NFIX: variants seen among roughly 807,000 people sequenced by gnomAD.
NFIX encodes the protein nuclear factor 1 X-type.
NFIX carries 2 observed loss-of-function variants against 53.3 expected under a neutral mutation model. That is an observed-to-expected ratio of 0.04 (90% CI 0.02 to 0.12). The LOEUF is 0.12. NFIX is among the 10% of genes least tolerant of loss of function. NFIX has a pLI of 1.00. For synonymous variants in NFIX, 244 were observed against 289.0 expected (o/e 0.84, Z 1.58); for missense variants, 310 against 674.5 (o/e 0.46, Z 5.99).
chr19:13,056,100 C>A (rs767228568), intron 2 of NFIX, among the ~76,000 whole-genome samples: 44 of 152,268 alleles, frequency 2.9e-4, no homozygotes, highest in Non-Finnish European at 5.0e-4. Flanking sequence ...GCCAGGGAGC[C>A]CTGCTCTGCG....
In NFIX at chr19:13,027,082, T is replaced by C. The variant is rs1435507045; in HGVS notation, c.559+1530T>C. Among the ~76,000 whole-genome samples the C allele has an allele frequency of 6.6e-6, 1 of 152,210 alleles. No individual in the cohort carries two copies. The highest frequency in any genetic ancestry group is 1.5e-5 in the Non-Finnish European group (1 of 68,042). ...GACTAGAGTGAGCCCTGAGTTTACA[T>C]GTTGGAGAACTGTGGAGAGGAGAAG... On this transcript the variant is annotated intron_variant, in intron 2 of 10. Coordinates refer to ENST00000592199, the MANE Select transcript of NFIX (RefSeq NM_001365902.3). The surrounding 1 kb of genome is among the most constrained non-coding windows in gnomAD (Gnocchi z 4.3).
chr19:13,031,376 G>A (rs1159755815), intron 2 of NFIX, among the ~76,000 whole-genome samples: 1 of 152,172 alleles, frequency 6.6e-6, no homozygotes, highest in African/African-American at 2.4e-5. Flanking sequence ...GACCAGCCGT[G>A]CTCTATTGCT....
At chr19:13,053,451 A>G (rs980982361) in intron 2 of NFIX, among the ~76,000 whole-genome samples, 1 of 152,128 alleles carries the variant, frequency 6.6e-6, no homozygotes, top group African/African-American at 2.4e-5. Context: ...GGAAGGGGAG[A>G]GGAAATGTTC....
intron 2 of NFIX, among the ~76,000 whole-genome samples, chr19:13,062,840 A>G (rs1029965715): frequency 1.3e-5 from 2 of 152,132 alleles, no homozygotes; most frequent in African/African-American, 4.8e-5. Context: ...CTGGGTACTG[A>G]GTGCTCTCTC....
At position 13,037,862 on chromosome 19, in the gene NFIX, G is replaced by A. The variant is rs929331035; in HGVS notation, c.559+12310G>A. ...TGGGAAGAGTCTACTGCATATGACA[G>A]TCCCCCAGGAACAAAGAATCATCTC... On this transcript the variant is annotated intron_variant, in intron 2 of 10. Transcript: ENST00000592199. This position sits in a 1 kb window ranked among gnomAD's most constrained non-coding sequence, Gnocchi z 4.2. Among the ~76,000 whole-genome samples the A allele has an allele frequency of 2.6e-5, 4 of 152,150 alleles. No individual in the cohort carries two copies. The highest frequency in any genetic ancestry group is 9.7e-5 in the African/African-American group (4 of 41,410).
At position 13,094,876 on chromosome 19, in the gene NFIX, T is replaced by G; in HGVS notation, c.*227T>G. The G allele has an allele frequency of 1.9e-6, 1 of 538,048 alleles. No individual in the cohort carries two copies. The highest frequency in any genetic ancestry group is 3.3e-6 in the Non-Finnish European group (1 of 301,838). 33.3% of individuals were successfully genotyped at this position (538,048 alleles called of 1,614,324 possible). A position where few individuals can be genotyped will look rare whatever the true frequency, so the allele number is the denominator to read the frequency against. On this transcript the variant is annotated 3_prime_UTR_variant, in exon 11 of 11. Coordinates refer to ENST00000592199, the MANE Select transcript of NFIX (RefSeq NM_001365902.3). The surrounding 1 kb of genome is among the most constrained non-coding windows in gnomAD (Gnocchi z 4.3). The stretch of plus-strand genomic sequence containing the variant: ...CCCTTGGAAGGGGTCTCGGTGGAGC[T>G]GTGCACCAGCAGCCAAGCAGAAAGA...
chr19:13,092,857 C>T (rs961328743), intron 10 of NFIX, among the ~76,000 whole-genome samples: 7 of 152,230 alleles, frequency 4.6e-5, no homozygotes, highest in African/African-American at 9.6e-5. Flanking sequence ...GCCTTAGCCT[C>T]GCCAGGCCCC....
chr19:13,032,320 G>C (rs891423156), intron 2 of NFIX, among the ~76,000 whole-genome samples: 2 of 152,118 alleles, frequency 1.3e-5, no homozygotes, highest in African/African-American at 2.4e-5. Flanking sequence ...GACAGGAGGA[G>C]GTGTAGGGGT....
At chr19:13,050,358 C>G (rs1189920537) in intron 2 of NFIX, among the ~76,000 whole-genome samples, 5 of 152,246 alleles carry the variant, frequency 3.3e-5, no homozygotes, top group Non-Finnish European at 7.3e-5. Flanking sequence ...TTACCCCCGG[C>G]CTGGCTGTCA....
At chr19:13,054,620 A>G (rs888887454) in intron 2 of NFIX, among the ~76,000 whole-genome samples, 2 of 152,096 alleles carry the variant, frequency 1.3e-5, no homozygotes, top group African/African-American at 2.4e-5. Flanking sequence ...GGTCCGTAGC[A>G]AGTGGCCTGC....
At chr19:13,030,927 C>T (rs983130575) in intron 2 of NFIX, among the ~76,000 whole-genome samples, 1 of 152,224 alleles carries the variant, frequency 6.6e-6, no homozygotes, top group Non-Finnish European at 1.5e-5. Flanking sequence ...ACGCAAGTTG[C>T]ACACCCGTGA....
intron 8 of NFIX, among the ~76,000 whole-genome samples, chr19:13,087,454 G>A (rs890006212): frequency 4.6e-5 from 7 of 152,120 alleles, no homozygotes; most frequent in African/African-American, 1.7e-4. Context: ...CCGAGGACGA[G>A]CTCCCCAACT....
chr19:13,024,489 C>G lies in NFIX; in HGVS notation c.28-532C>G. On this transcript the variant is annotated intron_variant, in intron 1 of 10. Coordinates refer to ENST00000592199, the MANE Select transcript of NFIX (RefSeq NM_001365902.3). The stretch of plus-strand genomic sequence containing the variant: ...CTCGCTTGCTCGTGGATGTCATTTT[C>G]TGTCTTCTTGGGGGCGGCCAAAAAT... 15 of 1,488,244 alleles carry G rather than the reference C, an allele frequency of 1.0e-5. No individual in the cohort carries two copies. The South Asian group carries it at 1.8e-4, about 18-fold the overall frequency. 92.2% of individuals were successfully genotyped at this position (1,488,244 alleles called of 1,614,324 possible). A position where few individuals can be genotyped will look rare whatever the true frequency, so the allele number is the denominator to read the frequency against.
intron 2 of NFIX, among the ~76,000 whole-genome samples, chr19:13,055,136 C>T (rs1568297770): frequency 2.0e-5 from 3 of 151,846 alleles, no homozygotes; most frequent in South Asian, 2.1e-4. Flanking sequence ...GACCTCCCGC[C>T]GGCTGTCACC....
chr19:13,041,216 C>T (rs980016659), intron 2 of NFIX, among the ~76,000 whole-genome samples: 2 of 152,176 alleles, frequency 1.3e-5, no homozygotes, highest in African/African-American at 4.8e-5. Context: ...CTTAGTTTCA[C>T]GATCAGCTGA....
At chr19:13,086,834 A>G (rs905506448) in intron 8 of NFIX, among the ~76,000 whole-genome samples, 2 of 152,246 alleles carry the variant, frequency 1.3e-5, no homozygotes, top group African/African-American at 4.8e-5. Context: ...GCTCATTGTC[A>G]TCGTCCAGCT....
chr19:12,995,968 G>C, intron 1 of NFIX, 104 bp downstream of exon 1: 1 of 382,286 alleles, frequency 2.6e-6, no homozygotes, highest in Non-Finnish European at 3.6e-6. Context: ...AGGGGGGGCC[G>C]AGAGCCCGCG....
chr19:13,009,494 C>T lies in NFIX; in HGVS notation c.27+13630C>T, dbSNP rs1257034023. On this transcript the variant is annotated intron_variant, in intron 1 of 10. Coordinates refer to ENST00000592199, the MANE Select transcript of NFIX (RefSeq NM_001365902.3). This position sits in a 1 kb window ranked among gnomAD's most constrained non-coding sequence, Gnocchi z 4.7. ...TTCCCAGGAGTGAGCAAGACTTAAA[C>T]AGGTTCACTCCAGCTTTTCATCCCC... Among the ~76,000 whole-genome samples, 1 of 152,188 alleles carries T rather than the reference C, an allele frequency of 6.6e-6. No individual in the cohort carries two copies. Among genetic ancestry groups the T allele is most frequent in the Non-Finnish European group, 1.5e-5 (1 of 68,034 alleles).
rs751414155 is a variant in NFIX at position 13,067,286 on chromosome 19, C to T, written c.560-5761C>T. 7.2e-5 allele frequency among the ~76,000 whole-genome samples: 11 copies of T among 152,168 alleles called. No individual in the cohort carries two copies. Among genetic ancestry groups the T allele is most frequent in the Non-Finnish European group, 1.6e-4 (11 of 68,026 alleles). On this transcript the variant is annotated intron_variant, in intron 2 of 10. Transcript: ENST00000592199. The surrounding 1 kb of genome is among the most constrained non-coding windows in gnomAD (Gnocchi z 4.2). Reference sequence around the variant, plus strand: ...CCCACTTGCTTCTGGAATGTCAGGCCTGGGAGGGCCAGGGGATGGGCAGGC... The same window carrying T: ...CCCACTTGCTTCTGGAATGTCAGGCTTGGGAGGGCCAGGGGATGGGCAGGC...
Sources: gnomAD v4.1 joint callset for allele counts (sites outside exome capture counted in the v4.1 genomes callset) on GRCh38, gnomAD v4.1.1 for gene constraint, Gnocchi (gnomAD v3.1) non-coding constraint, MANE v1.5 for transcripts, NCBI Gene and HGNC (gene_info 2026-07-23, HGNC 2026-07-21) for gene names.